FBXL7: variants seen among roughly 807,000 people sequenced by gnomAD.
FBXL7 encodes F-box and leucine rich repeat protein 7, also known as F-box/LRR-repeat protein 7.
Under a neutral mutation model 38.3 loss-of-function variants are expected in FBXL7, and 12 were observed. The ratio of observed to expected loss-of-function variants is 0.31; its 90% CI spans 0.20 to 0.51. The LOEUF is 0.51. Among genes scored for constraint, FBXL7 ranks in the 20% least tolerant of loss-of-function variants. The probability of loss-of-function intolerance (pLI) is 0.98; values close to 1 mark genes in which losing one functional copy is unlikely to be tolerated. For missense variants in FBXL7, 567 were observed against 676.4 expected (o/e 0.84, Z 1.79); for synonymous variants, 297 against 300.9 (o/e 0.99, Z 0.13).
intron 1 of FBXL7, among the ~76,000 whole-genome samples, chr5:15,559,043 A>G (rs1738335176): frequency 6.6e-6 from 1 of 152,222 alleles, no homozygotes; most frequent in Non-Finnish European, 1.5e-5. Context: ...AATCAATATG[A>G]ACCATTCATT....
intron 2 of FBXL7, among the ~76,000 whole-genome samples, chr5:15,807,249 G>A (rs1483444039): frequency 2.0e-5 from 3 of 152,106 alleles, no homozygotes; most frequent in Non-Finnish European, 2.9e-5. Flanking sequence ...GCCTGATTGC[G>A]TTTCTAAACA....
intron 2 of FBXL7, among the ~76,000 whole-genome samples, chr5:15,658,800 T>TA (rs1741965649): frequency 6.6e-6 from 1 of 152,150 alleles, no homozygotes; most frequent in African/African-American, 2.4e-5. Context: ...AATCTATAGA[T>TA]AACACAAGGA....
chr5:15,845,445 C>A (rs919003661), intron 2 of FBXL7, among the ~76,000 whole-genome samples: 1 of 151,968 alleles, frequency 6.6e-6, no homozygotes, highest in African/African-American at 2.4e-5. Flanking sequence ...AAGTAACATA[C>A]TTTTACCTCC....
intron 2 of FBXL7, among the ~76,000 whole-genome samples, chr5:15,919,301 A>T (rs1056983103): frequency 1.3e-5 from 2 of 152,220 alleles, no homozygotes; most frequent in Non-Finnish European, 1.5e-5. Context: ...ACAGGCAGCT[A>T]TCTAGTTAAA....
At chr5:15,509,677 A>G (rs1736741040) in intron 1 of FBXL7, among the ~76,000 whole-genome samples, 2 of 151,994 alleles carry the variant, frequency 1.3e-5, no homozygotes, top group African/African-American at 2.4e-5. Flanking sequence ...GAAGCTAAAT[A>G]TTTTGTTTAG....
At chr5:15,564,378 C>CTGTGTGTG (rs33993480) in intron 1 of FBXL7, among the ~76,000 whole-genome samples, 1,903 of 147,476 alleles carry the variant, frequency 0.013, 22 homozygotes, top group African/African-American at 0.031. Flanking sequence ...TCAGTAATAT[C>CTGTGTGTG]TGTGTGTGTG....
chr5:15,653,685 T>C (rs891393085), intron 2 of FBXL7, among the ~76,000 whole-genome samples: 8 of 152,208 alleles, frequency 5.3e-5, no homozygotes. Flanking sequence ...GTAAAAGCCA[T>C]TGACCAGTTA....
chr5:15,897,153 T>TA (rs944924701), intron 2 of FBXL7, among the ~76,000 whole-genome samples: 3 of 151,136 alleles, frequency 2.0e-5, no homozygotes, highest in South Asian at 2.1e-4. Context: ...TACGTATATA[T>TA]TTTTTTTTCA....
intron 1 of FBXL7, among the ~76,000 whole-genome samples, chr5:15,579,185 C>A (rs1739062704): frequency 6.6e-6 from 1 of 152,178 alleles, no homozygotes; most frequent in Non-Finnish European, 1.5e-5. Flanking sequence ...TTCTTACCTT[C>A]ATGGAAACAC....
chr5:15,601,079 T>C (rs1321094689), intron 1 of FBXL7, among the ~76,000 whole-genome samples: 1 of 152,210 alleles, frequency 6.6e-6, no homozygotes, highest in Non-Finnish European at 1.5e-5. Context: ...CATGGGATGC[T>C]GAATGAATGA....
chr5:15,801,820 C>G (rs895025520), intron 2 of FBXL7, among the ~76,000 whole-genome samples: 2 of 151,024 alleles, frequency 1.3e-5, no homozygotes, highest in Non-Finnish European at 2.9e-5. Flanking sequence ...ATAATAATTT[C>G]ATTCCATATT....
intron 2 of FBXL7, among the ~76,000 whole-genome samples, chr5:15,700,931 G>A (rs930655992): frequency 1.3e-5 from 2 of 151,802 alleles, no homozygotes; most frequent in East Asian, 1.9e-4. Flanking sequence ...TTCTTAAGTC[G>A]GGTACATAAA....
At position 15,928,461 on chromosome 5, in the gene FBXL7, G is replaced by A; in HGVS notation, c.699G>A (p.Val233=). The A allele has an allele frequency of 6.2e-7, 1 of 1,613,910 alleles. No homozygotes were observed. The highest frequency in any genetic ancestry group is 1.3e-5 in the African/African-American group (1 of 75,044). The stretch of plus-strand genomic sequence containing the variant: ...TCTCCAACGAGGCCGTCTTTGATGT[G>A]GTGTCCCTCTGCCCTAATCTGGAGC... ...YNISNEAVFD[V]VSLCPNLEHL... Residue 233 remains valine (V), a synonymous_variant, in exon 3 of 4, where the codon GTG becomes GTA. Coordinates refer to ENST00000504595, the MANE Select transcript of FBXL7 (RefSeq NM_012304.5). The surrounding 1 kb of genome is among the most constrained non-coding windows in gnomAD (Gnocchi z 4.0).
At chr5:15,796,483 A>G (rs1291984048) in intron 2 of FBXL7, among the ~76,000 whole-genome samples, 1 of 152,192 alleles carries the variant, frequency 6.6e-6, no homozygotes, top group East Asian at 1.9e-4. Context: ...TTACAGAAAA[A>G]AAAAAAATTG....
chr5:15,929,907 T>C (rs1741995280), intron 3 of FBXL7, among the ~76,000 whole-genome samples: 1 of 152,024 alleles, frequency 6.6e-6, no homozygotes, highest in South Asian at 2.1e-4. Flanking sequence ...AAAAACACTA[T>C]GGTGGGTGAA....
chr5:15,812,433 C>T (rs1737889993), intron 2 of FBXL7, among the ~76,000 whole-genome samples: 1 of 152,052 alleles, frequency 6.6e-6, no homozygotes, highest in Admixed American at 6.6e-5. Context: ...TTCAGCAAAC[C>T]ACCGTGGCAC....
At chr5:15,513,689 T>A (rs1736860205) in intron 1 of FBXL7, among the ~76,000 whole-genome samples, 1 of 152,228 alleles carries the variant, frequency 6.6e-6, no homozygotes, top group African/African-American at 2.4e-5. Flanking sequence ...TGCAGATTCA[T>A]AGGCAACATT....
At chr5:15,774,192 A>G (rs1308504560) in intron 2 of FBXL7, among the ~76,000 whole-genome samples, 1 of 151,684 alleles carries the variant, frequency 6.6e-6, no homozygotes, top group Non-Finnish European at 1.5e-5. Context: ...TTCCTTTCCT[A>G]TGATCCTTTT....
intron 1 of FBXL7, among the ~76,000 whole-genome samples, chr5:15,553,753 A>C (rs1738154165): frequency 6.6e-6 from 1 of 152,246 alleles, no homozygotes; most frequent in African/African-American, 2.4e-5. Context: ...AATTATGCAG[A>C]ATGCAAGGGT....
Sources: allele counts gnomAD v4.1 joint callset (sites outside exome capture counted in the v4.1 genomes callset), GRCh38; gene constraint gnomAD v4.1.1; non-coding constraint Gnocchi (gnomAD v3.1); transcripts MANE v1.5; gene names NCBI Gene and HGNC (gene_info 2026-07-23, HGNC 2026-07-21).